CSMD1: variants seen among roughly 807,000 people sequenced by gnomAD.
The protein encoded by CSMD1 is CUB and Sushi multiple domains 1, also known as CUB and sushi domain-containing protein 1.
CSMD1 carries 213 observed loss-of-function variants against 417.5 expected under a neutral mutation model. The ratio of observed to expected loss-of-function variants is 0.51; its 90% CI spans 0.46 to 0.57. The LOEUF (loss-of-function observed/expected upper bound fraction) is 0.57, where lower values mean the gene tolerates loss of function less well. Among genes scored for constraint, CSMD1 ranks in the 20% least tolerant of loss-of-function variants. CSMD1 has a pLI of 0.00. For missense variants in CSMD1, 6,923 were observed against 4,529.7 expected, an observed-to-expected ratio of 1.53 and a Z score of -15.17; for synonymous variants, 2,862 against 1,736.8, an observed-to-expected ratio of 1.65 and a Z score of -16.11.
At chr8:3,106,720 C>G (rs1816173715) in intron 45 of CSMD1, 79 bp from the exon 46 acceptor site, 1 of 660,452 alleles carries the variant, frequency 1.5e-6, no homozygotes, top group South Asian at 2.3e-5. Flanking sequence ...TGTAGGACTA[C>G]TTAAATGAAT....
intron 36 of CSMD1, among the ~76,000 whole-genome samples, chr8:3,187,317 T>C (rs1796120322): frequency 6.6e-6 from 1 of 151,956 alleles, no homozygotes; most frequent in South Asian, 2.1e-4. Flanking sequence ...TCGAGGGCAA[T>C]GGGAAGGGAA....
chr8:3,259,562 C>T (rs1037715522), intron 26 of CSMD1, among the ~76,000 whole-genome samples: 1 of 152,184 alleles, frequency 6.6e-6, no homozygotes, highest in East Asian at 1.9e-4. Flanking sequence ...CATTACAACT[C>T]CATTACAATG....
intron 64 of CSMD1, 111 bp from the exon 65 acceptor site, chr8:2,954,379 C>A: frequency 1.6e-6 from 1 of 614,224 alleles, no homozygotes; most frequent in Non-Finnish European, 2.8e-6. Context: ...TTTTAATGTA[C>A]AAAATATGAA....
intron 57 of CSMD1, among the ~76,000 whole-genome samples, chr8:2,968,374 A>T (rs1804153620): frequency 6.6e-6 from 1 of 152,242 alleles, no homozygotes; most frequent in South Asian, 2.1e-4. Flanking sequence ...ATTCAATTGT[A>T]TGTCTAAATC....
At chr8:4,469,567 G>A (rs1345752063) in intron 2 of CSMD1, among the ~76,000 whole-genome samples, 4 of 152,146 alleles carry the variant, frequency 2.6e-5, no homozygotes, top group Admixed American at 1.3e-4. Flanking sequence ...TATTCTTTCA[G>A]TAGCTTGTGC....
chr8:4,204,696 C>A (rs1049474603), intron 3 of CSMD1, among the ~76,000 whole-genome samples: 9 of 152,044 alleles, frequency 5.9e-5, no homozygotes, highest in African/African-American at 7.2e-5. Context: ...ACTCTGTCAC[C>A]CAGGCTGGAA....
At chr8:4,233,798 G>A (rs1255148008) in intron 3 of CSMD1, among the ~76,000 whole-genome samples, 1 of 152,062 alleles carries the variant, frequency 6.6e-6, no homozygotes, top group East Asian at 1.9e-4. Context: ...AGTATCTTTA[G>A]GATATTTCAT....
chr8:3,823,146 C>T (rs1179611106), intron 5 of CSMD1, among the ~76,000 whole-genome samples: 1 of 152,148 alleles, frequency 6.6e-6, no homozygotes, highest in Non-Finnish European at 1.5e-5. Flanking sequence ...TAAACTGTGG[C>T]TTGTGTCTTC....
intron 1 of CSMD1, among the ~76,000 whole-genome samples, chr8:4,854,670 C>A (rs376487411): frequency 4.6e-5 from 7 of 151,718 alleles, no homozygotes; most frequent in African/African-American, 9.7e-5. Flanking sequence ...CCTGGAAAAT[C>A]GGGTCACTCC....
intron 5 of CSMD1, among the ~76,000 whole-genome samples, chr8:3,788,386 T>A (rs539261106): frequency 6.6e-6 from 1 of 152,108 alleles, no homozygotes; most frequent in South Asian, 2.1e-4. Flanking sequence ...GCAGCCTTCA[T>A]TGGTCACAGA....
At chr8:3,630,720 T>C (rs1009188688) in intron 7 of CSMD1, among the ~76,000 whole-genome samples, 6 of 136,000 alleles carry the variant, frequency 4.4e-5, no homozygotes, top group African/African-American at 8.6e-5. Context: ...TTGAGGGAAA[T>C]GGAGTTGCCT....
intron 26 of CSMD1, among the ~76,000 whole-genome samples, chr8:3,281,898 T>G (rs1021415768): frequency 6.6e-6 from 1 of 152,132 alleles, no homozygotes; most frequent in African/African-American, 2.4e-5. Context: ...CCCCCAGTGC[T>G]GTCTTCATGA....
chr8:3,481,528 C>G (rs1711729076), intron 11 of CSMD1, among the ~76,000 whole-genome samples: 1 of 152,190 alleles, frequency 6.6e-6, no homozygotes, highest in Non-Finnish European at 1.5e-5. Context: ...CAATCCTGCT[C>G]TCACTCTAAT....
intron 3 of CSMD1, among the ~76,000 whole-genome samples, chr8:4,037,165 G>C (rs929290717): frequency 6.6e-5 from 10 of 152,316 alleles, no homozygotes; most frequent in African/African-American, 2.2e-4. Context: ...ATGTGTGTCA[G>C]TGTTCAATAT....
chr8:4,954,735 G>A (rs887090962), intron 1 of CSMD1, among the ~76,000 whole-genome samples: 1 of 152,126 alleles, frequency 6.6e-6, no homozygotes, highest in Non-Finnish European at 1.5e-5. Flanking sequence ...TGCAGAGACT[G>A]GAGGATAAGA....
chr8:3,983,069 C>G (rs181683382), intron 5 of CSMD1, among the ~76,000 whole-genome samples: 39 of 152,088 alleles, frequency 2.6e-4, no homozygotes, highest in Admixed American at 2.4e-3. Flanking sequence ...TGACTCTTTT[C>G]CCCAGGAGCC....
At chr8:3,690,250 T>G (rs557991796) in intron 7 of CSMD1, among the ~76,000 whole-genome samples, 2 of 152,184 alleles carry the variant, frequency 1.3e-5, no homozygotes, top group African/African-American at 4.8e-5. Context: ...TCCCAGCTAC[T>G]TGGGAGGAGG....
At chr8:3,943,404 T>C (rs1435023536) in intron 5 of CSMD1, among the ~76,000 whole-genome samples, 1 of 127,734 alleles carries the variant, frequency 7.8e-6, no homozygotes. Flanking sequence ...GAATGTCTTA[T>C]AAGTTGTTTT....
intron 18 of CSMD1, among the ~76,000 whole-genome samples, chr8:3,383,952 C>G (rs7819225): frequency 0.7 from 106,727 of 152,030 alleles, 38,321 homozygotes; most frequent in African/African-American, 0.83. Flanking sequence ...CTTAAGGTTG[C>G]AGGAAAGAAG....
Sources: allele counts gnomAD v4.1 joint callset (sites outside exome capture counted in the v4.1 genomes callset), GRCh38; gene constraint gnomAD v4.1.1; transcripts MANE v1.5; gene names NCBI Gene and HGNC (gene_info 2026-07-23, HGNC 2026-07-21).